The following SKP2 variants were observed in gnomAD, a reference collection of about 807,000 sequenced individuals.
The protein encoded by SKP2 is S-phase kinase associated protein 2, also known as S-phase kinase-associated protein 2.
Under a neutral mutation model 51.8 loss-of-function variants are expected in SKP2, and 16 were observed. The ratio of observed to expected loss-of-function variants is 0.31; its 90% CI spans 0.21 to 0.47. SKP2 has a LOEUF of 0.47. SKP2 is among the 20% of genes least tolerant of loss of function. SKP2 has a pLI of 1.00. For synonymous variants in SKP2, 176 were observed against 198.6 expected (o/e 0.89, Z 0.96); for missense variants, 377 against 505.3 (o/e 0.75, Z 2.43).
At chr5:36,172,352 A>G (rs1745502967) in intron 7 of SKP2, among the ~76,000 whole-genome samples, 1 of 152,256 alleles carries the variant, frequency 6.6e-6, no homozygotes, top group Non-Finnish European at 1.5e-5. Flanking sequence ...AGATGAAAAC[A>G]GGCATTAGAA....
intron 6 of SKP2, among the ~76,000 whole-genome samples, chr5:36,192,131 T>TAAGA (rs1746039620): frequency 6.6e-6 from 1 of 152,208 alleles, no homozygotes; most frequent in African/African-American, 2.4e-5. Flanking sequence ...TTAAAGCCCG[T>TAAGA]AAGACTTAAA....
chr5:36,180,376 C>G (rs4869622), intron 9 of SKP2: 8 of 590,160 alleles, frequency 1.4e-5, no homozygotes, highest in African/African-American at 1.3e-4. Flanking sequence ...TACTTAATGA[C>G]AGCAATTTGT....
chr5:36,166,771 T>A, intron 4 of SKP2, 109 bp downstream of exon 4: 1 of 958,780 alleles, frequency 1.0e-6, no homozygotes, highest in Non-Finnish European at 1.6e-6. Context: ...TATGGTAGGT[T>A]ATCTGTGCAG....
In SKP2 at chr5:36,171,657, G is replaced by C. The variant is rs768802703; in HGVS notation, c.825G>C (p.Gln275His). Residue 275 changes from glutamine to histidine, a missense_variant, in exon 7 of 10, where the codon CAG (glutamine) becomes CAC (histidine). Transcript: ENST00000274255. ...WCFDFTEKHV[Q>H]VAVAHVSETI... ...TTGATTTCACTGAAAAGCATGTACAGGTGGCTGTTGCGCATGTGTCAGAGA... is the reference window on the plus strand; with the variant it reads ...TTGATTTCACTGAAAAGCATGTACACGTGGCTGTTGCGCATGTGTCAGAGA... 1.9e-6 allele frequency: 3 copies of C among 1,613,650 alleles called. No homozygotes were observed. The highest frequency in any genetic ancestry group is 2.5e-6 in the Non-Finnish European group (3 of 1,179,678).
chr5:36,173,876 G>T (rs1745550773), intron 7 of SKP2, among the ~76,000 whole-genome samples: 1 of 152,084 alleles, frequency 6.6e-6, no homozygotes, highest in Non-Finnish European at 1.5e-5. Flanking sequence ...GTACCAGATG[G>T]CCTGGGTTCA....
intron 2 of SKP2, chr5:36,155,272 C>T (rs1286089677): frequency 6.6e-6 from 1 of 152,072 alleles, no homozygotes; most frequent in Non-Finnish European, 1.5e-5. Context: ...GGAAAGAGAA[C>T]TTTGCCCAAT....
chr5:36,158,444 C>G (rs1031920809), intron 2 of SKP2, among the ~76,000 whole-genome samples: 2 of 152,252 alleles, frequency 1.3e-5, no homozygotes, highest in Admixed American at 6.5e-5. Context: ...GTGGTACCCC[C>G]ACCCGGGGCC....
At chr5:36,168,580 T>C in intron 5 of SKP2, 133 bp downstream of exon 5, 2 of 794,006 alleles carry the variant, frequency 2.5e-6, no homozygotes, top group Admixed American at 5.2e-5. Flanking sequence ...TGCTCTAGCT[T>C]CTGCAAAACT....
At chr5:36,180,088 G>A (rs1745756261) in intron 9 of SKP2, 1 of 423,488 alleles carries the variant, frequency 2.4e-6, no homozygotes. Flanking sequence ...CAATGCTGTT[G>A]CAAGAACATG....
Position 36,171,049 on chromosome 5 carries a change from C to A in SKP2, c.771-554C>A, listed in dbSNP as rs566923156. On this transcript the variant is annotated intron_variant, in intron 6 of 9. Transcript: ENST00000274255. ...TTAAAATAGATTGCCTCTGGATATG[C>A]GTGTTATCAGTGAGATCAAATGTAT... is the stretch of plus-strand genomic sequence containing the variant. Among the ~76,000 whole-genome samples the A allele has an allele frequency of 7.9e-5, 12 of 152,182 alleles. 1 individual carries two copies. In the South Asian group the frequency reaches 2.5e-3, roughly 32 times the overall value.
At chr5:36,184,872 C>A (rs1745929814), downstream of SKP2, among the ~76,000 whole-genome samples, 1 of 152,200 alleles carries the variant, frequency 6.6e-6, no homozygotes, top group Non-Finnish European at 1.5e-5. Context: ...AGTTTACAGT[C>A]CCACCAACAG....
chr5:36,163,826 G>A (rs1745202356), intron 3 of SKP2, 70 bp downstream of exon 3: 1 of 1,075,278 alleles, frequency 9.3e-7, no homozygotes, highest in Admixed American at 1.9e-5. Context: ...ATTCGTTTTG[G>A]TCTGATGAAA....
intron 2 of SKP2, among the ~76,000 whole-genome samples, chr5:36,154,301 C>A (rs1744869030): frequency 6.6e-6 from 1 of 151,992 alleles, no homozygotes; most frequent in South Asian, 2.1e-4. Flanking sequence ...GAGCTCCAAG[C>A]AGAAGGAACA....
intron 9 of SKP2, among the ~76,000 whole-genome samples, chr5:36,178,210 G>A (rs1220501343): frequency 3.9e-5 from 6 of 152,242 alleles, no homozygotes; most frequent in Admixed American, 2.6e-4. Context: ...TCTTGAATGC[G>A]GCTGCTGGAC....
intron 7 of SKP2, among the ~76,000 whole-genome samples, chr5:36,172,192 G>A (rs1745498372): frequency 1.3e-5 from 2 of 152,322 alleles, no homozygotes; most frequent in Admixed American, 6.5e-5. Context: ...CAGGATGCTG[G>A]TGGACGGTGT....
chr5:36,164,496 T>A (rs6874771), intron 3 of SKP2, among the ~76,000 whole-genome samples: 7,484 of 152,302 alleles, frequency 0.049, 662 homozygotes, highest in African/African-American at 0.17. Context: ...TTCTCATCCC[T>A]ATCCTACCTC....
chr5:36,152,725 T>C, intron 1 of SKP2, 46 bp from the exon 2 acceptor site: 3 of 1,587,084 alleles, frequency 1.9e-6, no homozygotes, highest in Non-Finnish European at 2.6e-6. Flanking sequence ...AAATTATTTA[T>C]GGGTGTGTTT....
chr5:36,191,329 C>CAAAG (rs892175547), intron 6 of SKP2, among the ~76,000 whole-genome samples: 4 of 151,124 alleles, frequency 2.6e-5, no homozygotes, highest in South Asian at 2.1e-4. Context: ...CCCCCTACAA[C>CAAAG]AAAGAATTGT....
intron 6 of SKP2, among the ~76,000 whole-genome samples, chr5:36,191,232 G>A (rs944837257): frequency 6.6e-6 from 1 of 152,038 alleles, no homozygotes; most frequent in Non-Finnish European, 1.5e-5. Flanking sequence ...AACATCTGAA[G>A]ACATTTTTGA....
Sources: allele counts gnomAD v4.1 joint callset (sites outside exome capture counted in the v4.1 genomes callset), GRCh38; gene constraint gnomAD v4.1.1; transcripts MANE v1.5; gene names NCBI Gene and HGNC (gene_info 2026-07-23, HGNC 2026-07-21).